Variants in SLC8A3 observed in about 807,000 individuals in gnomAD.
SLC8A3 encodes solute carrier family 8 member A3.
A neutral mutation model predicts 65.4 loss-of-function variants in SLC8A3; 37 were observed. The observed-to-expected ratio is 0.57, with a 90% CI of 0.44 to 0.74. The LOEUF is 0.74. SLC8A3 is among the 30% of genes least tolerant of loss of function. The pLI, the probability that SLC8A3 is intolerant of heterozygous loss-of-function variation, is 0.00. For synonymous variants in SLC8A3, 461 were observed against 444.5 expected (o/e 1.04, Z -0.47); for missense variants, 1,112 against 1,172.1 (o/e 0.95, Z 0.75).
At chr14:70,058,207 T>C (rs1470166447) in intron 3 of SLC8A3, among the ~76,000 whole-genome samples, 1 of 152,208 alleles carries the variant, frequency 6.6e-6, no homozygotes, top group Non-Finnish European at 1.5e-5. Flanking sequence ...ATTCTGAATG[T>C]TTCAGACTCT....
intron 2 of SLC8A3, among the ~76,000 whole-genome samples, chr14:70,149,261 C>T (rs367762118): frequency 1.3e-5 from 2 of 152,124 alleles, no homozygotes; most frequent in Admixed American, 6.5e-5. Context: ...AGGTATAAAG[C>T]CCTGATTGGG....
chr14:70,180,744 G>A (rs1882679589), intron 1 of SLC8A3, among the ~76,000 whole-genome samples: 1 of 152,188 alleles, frequency 6.6e-6, no homozygotes, highest in Non-Finnish European at 1.5e-5. Context: ...GAGATAGGAT[G>A]TCTGGAACAT....
At chr14:70,061,726 A>G (rs72729838) in intron 2 of SLC8A3, among the ~76,000 whole-genome samples, 6,699 of 152,258 alleles carry the variant, frequency 0.044, 172 homozygotes, top group Admixed American at 0.056. Context: ...TTCTGGGAAA[A>G]TGTGAAGAAA....
In SLC8A3 at chr14:70,175,495, C is replaced by T. The variant is rs142048686; in HGVS notation, c.-62-7011G>A. Among the ~76,000 whole-genome samples the T allele has an allele frequency of 6.6e-5, 10 of 152,210 alleles. No homozygotes were observed. In the East Asian group the frequency reaches 1.5e-3, roughly 24 times the overall value. On this transcript the variant is annotated intron_variant, in intron 1 of 6. Coordinates refer to ENST00000356921, the MANE Select transcript of SLC8A3 (RefSeq NM_182932.3). ...GAAGAGTAGGCTAGGGATCAAGATC[C>T]CTTAGGTGAAGAACTTTGGGCTCCA...
Position 70,046,396 on chromosome 14 carries a change from A to C in SLC8A3, c.2390-73T>G. 6.8e-7 allele frequency: 1 copy of C among 1,467,188 alleles called. No homozygotes were observed. Among genetic ancestry groups the C allele is most frequent in the Non-Finnish European group, 9.2e-7 (1 of 1,090,134 alleles). The allele number at this position is 1,467,188 out of a possible 1,614,324, so 90.9% of individuals were successfully genotyped here. On this transcript the variant is annotated intron_variant, in intron 6 of 6. Coordinates refer to ENST00000356921, the MANE Select transcript of SLC8A3 (RefSeq NM_182932.3). This position sits in a 1 kb window ranked among gnomAD's most constrained non-coding sequence, Gnocchi z 4.2. ...GCAGGGCTTGTCTTCCAGTATGCCC[A>C]AAAAGCAGCTTGAGCTGGTGGGCTG...
intron 2 of SLC8A3, among the ~76,000 whole-genome samples, chr14:70,141,634 C>T (rs910612235): frequency 1.3e-5 from 2 of 152,074 alleles, no homozygotes; most frequent in East Asian, 3.9e-4. Context: ...TTCATGGGTC[C>T]CTCTTCAACC....
At chr14:70,050,424 G>A (rs1887349619) in intron 5 of SLC8A3, among the ~76,000 whole-genome samples, 1 of 152,176 alleles carries the variant, frequency 6.6e-6, no homozygotes, top group African/African-American at 2.4e-5. Flanking sequence ...GTGGTTGGGA[G>A]ACCTTTTCCG....
chr14:70,167,748 G>A lies in SLC8A3; in HGVS notation c.675C>T (p.Ser225=), dbSNP rs1897264611. The A allele has an allele frequency of 6.2e-7, 1 of 1,614,026 alleles. No homozygotes were observed. Among genetic ancestry groups the A allele is most frequent in the African/African-American group, 1.3e-5 (1 of 74,918 alleles). The change falls in exon 2 of 7, where the codon TCC becomes TCT. Residue 225 remains serine, a synonymous_variant. Transcript: ENST00000356921. ...IWLYMILAVF[S]PGVVQVWEGL... ...CTTCCCAAACCTGGACCACACCAGG[G>A]GAGAAGACTGCCAGAATCATATAGA... is the stretch of plus-strand genomic sequence containing the variant.
intron 1 of SLC8A3, among the ~76,000 whole-genome samples, chr14:70,184,435 A>G (rs1480495451): frequency 6.6e-6 from 1 of 152,190 alleles, no homozygotes; most frequent in Non-Finnish European, 1.5e-5. Flanking sequence ...CTCTGTCTTC[A>G]GTCATTTGAA....
At chr14:70,054,261 G>C (rs998271988) in intron 3 of SLC8A3, among the ~76,000 whole-genome samples, 24 of 151,836 alleles carry the variant, frequency 1.6e-4, no homozygotes, top group Admixed American at 1.6e-3. Flanking sequence ...CTTGGGGGTG[G>C]GGGGGTGGTT....
intron 1 of SLC8A3, among the ~76,000 whole-genome samples, chr14:70,182,964 G>A (rs983266909): frequency 6.6e-6 from 1 of 152,186 alleles, no homozygotes; most frequent in African/African-American, 2.4e-5. Flanking sequence ...ATTAGTGACA[G>A]GGAAGGATGA....
chr14:70,084,247 G>A (rs1891266482), intron 2 of SLC8A3, among the ~76,000 whole-genome samples: 1 of 152,176 alleles, frequency 6.6e-6, no homozygotes, highest in Non-Finnish European at 1.5e-5. Context: ...CAAGATGGAG[G>A]TGGTATCTCA....
At chr14:70,055,712 A>T in intron 3 of SLC8A3, 1 of 1,174,522 alleles carries the variant, frequency 8.5e-7, no homozygotes, top group East Asian at 2.5e-5. Flanking sequence ...TTCTTATTCA[A>T]TAAATCAAAG....
At chr14:70,121,672 T>C (rs1400961485) in intron 2 of SLC8A3, among the ~76,000 whole-genome samples, 1 of 152,126 alleles carries the variant, frequency 6.6e-6, no homozygotes, top group Non-Finnish European at 1.5e-5. Flanking sequence ...GTTGAAAGGA[T>C]TCAATCTTCT....
intron 3 of SLC8A3, chr14:70,055,786 C>T: frequency 1.2e-6 from 2 of 1,607,210 alleles, no homozygotes; most frequent in Non-Finnish European, 1.7e-6. Context: ...GGGGACAAGA[C>T]ACCTCTTACC....
At chr14:70,110,673 CTTTTTTTTTTT>C (rs71102684) in intron 2 of SLC8A3, among the ~76,000 whole-genome samples, 1 of 91,858 alleles carries the variant, frequency 1.1e-5, no homozygotes, top group Admixed American at 1.3e-4. Flanking sequence ...ATACCTCTTT[CTTTTTTTTTTT>C]TTTTTTTTTT....
intron 1 of SLC8A3, among the ~76,000 whole-genome samples, chr14:70,187,508 T>C (rs1212779859): frequency 6.6e-6 from 1 of 151,938 alleles, no homozygotes; most frequent in Non-Finnish European, 1.5e-5. Flanking sequence ...GCAAATTGCT[T>C]TCATCATCTT....
At chr14:70,188,332 G>C (rs1038574521) in intron 1 of SLC8A3, 47 bp downstream of exon 1, 4 of 152,464 alleles carry the variant, frequency 2.6e-5, no homozygotes, top group African/African-American at 9.6e-5. Context: ...CCCATGTCTC[G>C]GCTGCCCGCT....
intron 2 of SLC8A3, among the ~76,000 whole-genome samples, chr14:70,104,776 A>C (rs973189266): frequency 5.3e-5 from 8 of 152,204 alleles, no homozygotes; most frequent in Non-Finnish European, 1.0e-4. Flanking sequence ...GACAATATCA[A>C]AATTTGTGAG....
Sources: allele counts gnomAD v4.1 joint callset (sites outside exome capture counted in the v4.1 genomes callset), GRCh38; gene constraint gnomAD v4.1.1; non-coding constraint Gnocchi (gnomAD v3.1); transcripts MANE v1.5; gene names NCBI Gene and HGNC (gene_info 2026-07-23, HGNC 2026-07-21).